The following UGGT2 variants were observed in gnomAD, a reference collection of about 807,000 sequenced individuals.
The protein encoded by UGGT2 is UDP-glucose glycoprotein glucosyltransferase 2.
In UGGT2, 180 loss-of-function variants were observed where a neutral mutation model predicts 192.1. That is an observed-to-expected ratio of 0.94 (90% CI 0.83 to 1.06). The LOEUF (loss-of-function observed/expected upper bound fraction) is 1.06. Among genes scored for constraint, UGGT2 ranks in the 50% least tolerant of loss-of-function variants. The pLI is 0.00. For synonymous variants in UGGT2, 580 were observed against 591.0 expected (o/e 0.98, Z 0.27); for missense variants, 1,849 against 1,795.7 (o/e 1.03, Z -0.54).
intron 10 of UGGT2, among the ~76,000 whole-genome samples, chr13:95,978,013 G>A (rs896885263): frequency 6.6e-6 from 1 of 151,570 alleles, no homozygotes; most frequent in African/African-American, 2.4e-5. Context: ...GGACACATGT[G>A]GCCTGCCAGG....
chr13:96,049,507 G>T (rs1315432379), intron 1 of UGGT2, among the ~76,000 whole-genome samples: 1 of 152,102 alleles, frequency 6.6e-6, no homozygotes, highest in African/African-American at 2.4e-5. Context: ...AGAAATAAAG[G>T]GTATTCAATT....
intron 7 of UGGT2, among the ~76,000 whole-genome samples, chr13:95,992,683 C>T (rs2051495315): frequency 6.6e-6 from 1 of 152,060 alleles, no homozygotes; most frequent in South Asian, 2.1e-4. Flanking sequence ...AAATGCTCGA[C>T]ATCACTAATC....
intron 38 of UGGT2, among the ~76,000 whole-genome samples, chr13:95,824,182 C>G (rs956069589): frequency 6.6e-6 from 1 of 152,112 alleles, no homozygotes; most frequent in African/African-American, 2.4e-5. Context: ...TAGGTTTTCT[C>G]TTACAGATTA....
chr13:95,995,522 C>A (rs1427282043), intron 7 of UGGT2, among the ~76,000 whole-genome samples: 3 of 151,754 alleles, frequency 2.0e-5, no homozygotes, highest in Admixed American at 6.6e-5. Flanking sequence ...AAGTATGAAT[C>A]AAAAATTTCA....
intron 17 of UGGT2, among the ~76,000 whole-genome samples, chr13:95,936,108 A>G (rs1348982971): frequency 6.6e-6 from 1 of 152,226 alleles, no homozygotes; most frequent in African/African-American, 2.4e-5. Context: ...GATTACAGGT[A>G]TAAACCACCA....
intron 15 of UGGT2, among the ~76,000 whole-genome samples, chr13:95,942,221 GGTGTGTGTGTGTGTGTGTGTGTGTGT>G (rs370041064): frequency 8.5e-6 from 1 of 117,992 alleles, no homozygotes; most frequent in African/African-American, 3.2e-5. Flanking sequence ...TTAGGGTGAG[GGTGTGTGTGTGTGTGTGTGTGTGTGT>G]GTGTGTGTGT....
intron 2 of UGGT2, among the ~76,000 whole-genome samples, chr13:96,031,057 A>G (rs1028304388): frequency 6.6e-6 from 1 of 152,338 alleles, no homozygotes; most frequent in African/African-American, 2.4e-5. Flanking sequence ...CTTGCGTATT[A>G]AGGATCTGTC....
In UGGT2 at chr13:96,013,420, C is replaced by A. The variant is rs2052227740; in HGVS notation, c.547G>T (p.Val183Leu). Residue 183 changes from valine to leucine, a missense_variant, in exon 5 of 39, where the codon GTG (valine) becomes TTG (leucine). Val to Leu is a conservative substitution (Grantham distance 32). Transcript: ENST00000376747. ...CCCATTTCGGCATAGAGAATCACCA[C>A]TGGTAAGTTCTCTTTGTTTGTAGGA... ...KFPTNKENLP[V>L]VILYAEMGTR... The A allele has an allele frequency of 1.2e-6, 2 of 1,606,640 alleles. No individual in the cohort carries two copies. Among genetic ancestry groups the A allele is most frequent in the Admixed American group, 3.4e-5 (2 of 57,978 alleles).
At position 95,940,073 on chromosome 13, in the gene UGGT2, TC is replaced by T. The variant is rs1191229189; in HGVS notation, c.1695del (p.Lys566ArgfsTer11). On this transcript the variant is annotated frameshift_variant, in exon 16 of 39. Coordinates refer to ENST00000376747, the MANE Select transcript of UGGT2 (RefSeq NM_020121.4). LOFTEE classifies it high-confidence loss of function. ...TCCACAGTGAGTATATTTTGATCCTTCTTCACTTTTTGGTACATCTGTGAAA... is the reference window on the plus strand; with the variant it reads ...TCCACAGTGAGTATATTTTGATCCTTTTCACTTTTTGGTACATCTGTGAAA... ...ISIVHMYQKV[K>X]KDQNILTVDN... The T allele has an allele frequency of 5.3e-6, 8 of 1,523,592 alleles. No homozygotes were observed. Among genetic ancestry groups the T allele is most frequent in the Non-Finnish European group, 7.1e-6 (8 of 1,130,534 alleles). 94.4% of individuals were successfully genotyped at this position (1,523,592 alleles called of 1,614,324 possible).
At chr13:95,856,040 G>GT in intron 34 of UGGT2, 118 bp downstream of exon 34, 1 of 815,838 alleles carries the variant, frequency 1.2e-6, no homozygotes, top group Non-Finnish European at 1.8e-6. Context: ...TATCACAATC[G>GT]TATCTTAAGC....
At chr13:95,837,959 C>A (rs1310833432) in intron 36 of UGGT2, among the ~76,000 whole-genome samples, 1 of 151,860 alleles carries the variant, frequency 6.6e-6, no homozygotes, top group African/African-American at 2.4e-5. Flanking sequence ...AAAGTCCTAG[C>A]AAATGCAATA....
At chr13:96,012,052 A>C (rs2052178068) in intron 5 of UGGT2, among the ~76,000 whole-genome samples, 2 of 152,092 alleles carry the variant, frequency 1.3e-5, no homozygotes. Flanking sequence ...ACCAGATATC[A>C]AAATATATTT....
intron 20 of UGGT2, among the ~76,000 whole-genome samples, chr13:95,920,195 T>C (rs1415227930): frequency 6.6e-6 from 1 of 151,310 alleles, no homozygotes. Context: ...AATATTAACT[T>C]AAGATAAACT....
intron 38 of UGGT2, among the ~76,000 whole-genome samples, chr13:95,819,089 T>C (rs1368482430): frequency 6.6e-6 from 1 of 152,170 alleles, no homozygotes; most frequent in African/African-American, 2.4e-5. Context: ...AATGAAAACT[T>C]ACCCCAAAAT....
At chr13:95,913,991 C>T (rs2048591936) in intron 20 of UGGT2, among the ~76,000 whole-genome samples, 1 of 152,114 alleles carries the variant, frequency 6.6e-6, no homozygotes, top group Admixed American at 6.5e-5. Flanking sequence ...GGACGGAAAA[C>T]CAAATACCAC....
intron 16 of UGGT2, among the ~76,000 whole-genome samples, chr13:95,939,564 T>C (rs2140526147): frequency 6.6e-6 from 1 of 150,426 alleles, no homozygotes; most frequent in Middle Eastern, 3.4e-3. Flanking sequence ...GTAAAAAATA[T>C]ATATGTTTAT....
chr13:95,901,887 T>C (rs1227734714), intron 21 of UGGT2, among the ~76,000 whole-genome samples: 1 of 152,092 alleles, frequency 6.6e-6, no homozygotes, highest in Non-Finnish European at 1.5e-5. Context: ...TACTCAAACT[T>C]TCAGTCCACA....
chr13:95,832,604 A>T lies in UGGT2; in HGVS notation c.4528+323T>A, dbSNP rs1219561548. The T allele has an allele frequency of 1.1e-5, 4 of 366,936 alleles. No individual in the cohort carries two copies. The East Asian group carries it at 2.8e-4, about 25-fold the overall frequency. 22.7% of individuals were successfully genotyped at this position (366,936 alleles called of 1,614,324 possible). ...TTTTAGGACTTGCTCAAATTTTCAC[A>T]TTTAGGAAATTCAGTGCAATCTTAA... On this transcript the variant is annotated intron_variant, in intron 38 of 38. Transcript: ENST00000376747.
chr13:95,961,008 T>C lies in UGGT2; in HGVS notation c.1335+9104A>G, dbSNP rs148828277. Among the ~76,000 whole-genome samples, 102 of 152,294 alleles carry C rather than the reference T, an allele frequency of 6.7e-4. 2 individuals are homozygous for C. The East Asian group carries it at 0.018, about 27-fold the overall frequency. On this transcript the variant is annotated intron_variant, in intron 12 of 38. Coordinates refer to ENST00000376747, the MANE Select transcript of UGGT2 (RefSeq NM_020121.4). ...AAAAGCTGAGGGAATTCTTCACCACTAGACCAGCCCTGCAAGAAATGCTTA... is the reference window on the plus strand; with the variant it reads ...AAAAGCTGAGGGAATTCTTCACCACCAGACCAGCCCTGCAAGAAATGCTTA...
Sources: allele counts gnomAD v4.1 joint callset (sites outside exome capture counted in the v4.1 genomes callset), GRCh38; gene constraint gnomAD v4.1.1; transcripts MANE v1.5; gene names NCBI Gene and HGNC (gene_info 2026-07-23, HGNC 2026-07-21).